Variants in DCUN1D5 observed in about 807,000 individuals in gnomAD.
DCUN1D5 encodes the protein DCN1-like protein 5.
In DCUN1D5, 10 loss-of-function variants were observed where a neutral mutation model predicts 38.3. The ratio of observed to expected loss-of-function variants is 0.26; its 90% CI spans 0.16 to 0.44. The LOEUF is 0.44. Among genes scored for constraint, DCUN1D5 ranks in the 20% least tolerant of loss-of-function variants. The pLI, the probability that DCUN1D5 is intolerant of heterozygous loss-of-function variation, is 1.00. For missense variants in DCUN1D5, 148 were observed against 275.3 expected, an observed-to-expected ratio of 0.54 and a Z score of 3.27; for synonymous variants, 93 against 90.9, an observed-to-expected ratio of 1.02 and a Z score of -0.13.
chr11:103,079,677 G>C (rs1472086735), intron 4 of DCUN1D5, among the ~76,000 whole-genome samples: 2 of 151,660 alleles, frequency 1.3e-5, no homozygotes, highest in African/African-American at 4.9e-5. Context: ...CCAATTACTT[G>C]AGAGGCTGAA....
rs568405283 is a variant in DCUN1D5, at chr11:103,053,997, G to C, written c.*8362C>G. The C allele has an allele frequency of 6.6e-6, 1 of 152,082 alleles. No individual in the cohort carries two copies. The highest frequency in any genetic ancestry group is 1.5e-5 in the Non-Finnish European group (1 of 67,960). 9.4% of individuals were successfully genotyped at this position (152,082 alleles called of 1,614,324 possible). A position where few individuals can be genotyped will look rare whatever the true frequency, so the allele number is the denominator to read the frequency against. ...ATGAAAGAACTAGCACACAGAAATA[G>C]GTACCCTAAAAGGACTAGGGGTGCA... On this transcript the variant is annotated 3_prime_UTR_variant, in exon 8 of 8. Transcript: ENST00000260247. This position sits in a 1 kb window ranked among gnomAD's most constrained non-coding sequence, Gnocchi z 4.8.
At position 103,066,863 on chromosome 11, in the gene DCUN1D5, G is replaced by GTTTA. The variant is rs1368876806; in HGVS notation, c.342-297_342-296insTAAA. ...TTCAAAAATTCCAAATAAAATCGAA[G>GTTTA]TTAAAAAGAGATGTATTAAAACATG... On this transcript the variant is annotated intron_variant, in intron 4 of 7. Coordinates refer to ENST00000260247, the MANE Select transcript of DCUN1D5 (RefSeq NM_032299.4). The surrounding 1 kb of genome is among the most constrained non-coding windows in gnomAD (Gnocchi z 4.7). Among the ~76,000 whole-genome samples, 1 of 152,106 alleles carries GTTTA rather than the reference G, an allele frequency of 6.6e-6. No homozygotes were observed. The highest frequency in any genetic ancestry group is 1.9e-4 in the East Asian group (1 of 5,204).
At position 103,053,526 on chromosome 11, in the gene DCUN1D5, A is replaced by G. The variant is rs181811670; in HGVS notation, c.*8833T>C. 3 of 152,098 alleles carry G rather than the reference A, an allele frequency of 2.0e-5. No individual in the cohort carries two copies. The highest frequency in any genetic ancestry group is 7.2e-5 in the African/African-American group (3 of 41,444). 9.4% of individuals were successfully genotyped at this position (152,098 alleles called of 1,614,324 possible). A position where few individuals can be genotyped will look rare whatever the true frequency, so the allele number is the denominator to read the frequency against. On this transcript the variant is annotated 3_prime_UTR_variant, in exon 8 of 8. Coordinates refer to ENST00000260247, the MANE Select transcript of DCUN1D5 (RefSeq NM_032299.4). This position sits in a 1 kb window ranked among gnomAD's most constrained non-coding sequence, Gnocchi z 4.8. ...AATGTTCCTAGTGTAAAGAAAACAT[A>G]AATATTTAAGGTGATGGATATCCCA...
At chr11:103,082,996 G>A (rs1240919969) in intron 3 of DCUN1D5, among the ~76,000 whole-genome samples, 157 bp from the exon 4 acceptor site, 1 of 151,984 alleles carries the variant, frequency 6.6e-6, no homozygotes, top group Non-Finnish European at 1.5e-5. Flanking sequence ...AAGAAATTGA[G>A]ATGTGCCAAT....
chr11:103,075,067 C>A (rs552059205), intron 4 of DCUN1D5, among the ~76,000 whole-genome samples: 4 of 152,242 alleles, frequency 2.6e-5, no homozygotes, highest in African/African-American at 9.6e-5. Flanking sequence ...AGATGGAGGA[C>A]GAGGAATTCT....
rs540300020 is a variant in DCUN1D5 at position 103,078,456 on chromosome 11, G to C, written c.341+4292C>G. 9.2e-5 allele frequency among the ~76,000 whole-genome samples: 14 copies of C among 152,236 alleles called. No individual in the cohort carries two copies. The highest frequency in any genetic ancestry group is 3.4e-4 in the African/African-American group (14 of 41,558). On this transcript the variant is annotated intron_variant, in intron 4 of 7. Transcript: ENST00000260247. This position sits in a 1 kb window ranked among gnomAD's most constrained non-coding sequence, Gnocchi z 4.6. ...TACATGTGCCTCTTAATGGGAACGA[G>C]GTCCATAGTTCTCATAAGACTCTCA...
intron 4 of DCUN1D5, among the ~76,000 whole-genome samples, chr11:103,070,954 A>G (rs563926277): frequency 3.3e-5 from 5 of 152,306 alleles, no homozygotes; most frequent in African/African-American, 1.2e-4. Context: ...ACTAAACAGC[A>G]AACACCTAAA....
rs1393287594 is a variant in DCUN1D5, at chr11:103,057,059, C to A, written c.*5300G>T. On this transcript the variant is annotated 3_prime_UTR_variant, in exon 8 of 8. Coordinates refer to ENST00000260247, the MANE Select transcript of DCUN1D5 (RefSeq NM_032299.4). The surrounding 1 kb of genome is among the most constrained non-coding windows in gnomAD (Gnocchi z 4.8). ...TCAAACTCAGGTTTCTCAGATAATA[C>A]TTCTATAAACTCTCTCTCAATAGGC... 2.0e-5 allele frequency among the ~76,000 whole-genome samples: 3 copies of A among 152,074 alleles called. No individual in the cohort carries two copies. Among genetic ancestry groups the A allele is most frequent in the Non-Finnish European group, 2.9e-5 (2 of 68,038 alleles).
At position 103,065,109 on chromosome 11, in the gene DCUN1D5, C is replaced by G. The variant is rs1320527707; in HGVS notation, c.556-732G>C. ...AATTTATAGGACTTACAGATTGAAT[C>G]ATGCGTAAAACTCATTCATGTAAGA... On this transcript the variant is annotated intron_variant, in intron 6 of 7. Transcript: ENST00000260247. The surrounding 1 kb of genome is among the most constrained non-coding windows in gnomAD (Gnocchi z 4.6). Among the ~76,000 whole-genome samples the G allele has an allele frequency of 6.6e-6, 1 of 151,582 alleles. No individual in the cohort carries two copies. The highest frequency in any genetic ancestry group is 1.9e-4 in the East Asian group (1 of 5,174).
At chr11:103,067,257 G>T (rs1235890640) in intron 4 of DCUN1D5, among the ~76,000 whole-genome samples, 1 of 152,122 alleles carries the variant, frequency 6.6e-6, no homozygotes, top group Admixed American at 6.6e-5. Flanking sequence ...GTCTCAGTGG[G>T]TTGATAAATT....
At position 103,061,554 on chromosome 11, in the gene DCUN1D5, G is replaced by T; in HGVS notation, c.*805C>A. Among the ~76,000 whole-genome samples, 2 of 142,840 alleles carry T rather than the reference G, an allele frequency of 1.4e-5. No individual in the cohort carries two copies. Among genetic ancestry groups the T allele is most frequent in the Non-Finnish European group, 1.5e-5 (1 of 66,468 alleles). The allele number at this position is 142,840 out of a possible 152,430, so 93.7% of individuals were successfully genotyped here. Reference sequence around the variant, plus strand: ...ATTCTATTGTCTTCTTTTCCTATGTGTATCTTAATTAAATCCATATCACAG... The same window carrying T: ...ATTCTATTGTCTTCTTTTCCTATGTTTATCTTAATTAAATCCATATCACAG... On this transcript the variant is annotated 3_prime_UTR_variant, in exon 8 of 8. Transcript: ENST00000260247.
rs1202627805 is a variant in DCUN1D5, at chr11:103,083,307, C to T, written c.198G>A (p.Gly66=). 1.3e-6 allele frequency: 2 copies of T among 1,597,786 alleles called. No individual in the cohort carries two copies. The highest frequency in any genetic ancestry group is 2.2e-5 in the South Asian group (2 of 90,454). ...CACAAAATTTTTCCATTCCTTCTGG[C>T]CCTACAACTTCATCAGGACCTTCAA... ...YEYAGPDEVV[G]PEGMEKFCED... Residue 66 remains glycine, a synonymous_variant, in exon 3 of 8, where the codon GGG becomes GGA. Coordinates refer to ENST00000260247, the MANE Select transcript of DCUN1D5 (RefSeq NM_032299.4). This position sits in a 1 kb window ranked among gnomAD's most constrained non-coding sequence, Gnocchi z 4.4.
rs1303273065 is a variant in DCUN1D5 at position 103,060,506 on chromosome 11, G to A, written c.*1853C>T. 6.6e-6 allele frequency among the ~76,000 whole-genome samples: 1 copy of A among 152,068 alleles called. No homozygotes were observed. The highest frequency in any genetic ancestry group is 1.5e-5 in the Non-Finnish European group (1 of 68,002). ...TTTTTATACAGGCAGGTTCCACAGGGATGACTGTAGGACTTAAGTATGCAC... is the reference window on the plus strand; with the variant it reads ...TTTTTATACAGGCAGGTTCCACAGGAATGACTGTAGGACTTAAGTATGCAC... On this transcript the variant is annotated 3_prime_UTR_variant, in exon 8 of 8. Transcript: ENST00000260247.
rs903629585 is a variant in DCUN1D5, at chr11:103,083,421, T to G, written c.179-95A>C. 14 of 610,602 alleles carry G rather than the reference T, an allele frequency of 2.3e-5. No homozygotes were observed. The African/African-American group carries it at 2.6e-4, about 11-fold the overall frequency. The allele number at this position is 610,602 out of a possible 1,614,324, so 37.8% of individuals were successfully genotyped here. ...GGTACCCATGAACACACCATAATAT[T>G]TTGCAAATAATTAAATTTGAATTTT... On this transcript the variant is annotated intron_variant, in intron 2 of 7. Coordinates refer to ENST00000260247, the MANE Select transcript of DCUN1D5 (RefSeq NM_032299.4). The surrounding 1 kb of genome is among the most constrained non-coding windows in gnomAD (Gnocchi z 4.4).
At position 103,062,198 on chromosome 11, in the gene DCUN1D5, A is replaced by T; in HGVS notation, c.*161T>A. The stretch of plus-strand genomic sequence containing the variant: ...AGAGGTGTGGCTCAATGCCCATCAC[A>T]TGTAACAAGAAAAACCTCCTTTAAA... On this transcript the variant is annotated 3_prime_UTR_variant, in exon 8 of 8. Transcript: ENST00000260247. This position sits in a 1 kb window ranked among gnomAD's most constrained non-coding sequence, Gnocchi z 4.6. 16 of 641,862 alleles carry T rather than the reference A, an allele frequency of 2.5e-5. No individual in the cohort carries two copies. The South Asian group carries it at 3.0e-4, about 12-fold the overall frequency. The allele number at this position is 641,862 out of a possible 1,614,324, so 39.8% of individuals were successfully genotyped here. A position where few individuals can be genotyped will look rare whatever the true frequency, so the allele number is the denominator to read the frequency against.
chr11:103,080,767 G>A (rs1862539731), intron 4 of DCUN1D5, among the ~76,000 whole-genome samples: 1 of 152,178 alleles, frequency 6.6e-6, no homozygotes, highest in Admixed American at 6.5e-5. Flanking sequence ...CCAGGACTTT[G>A]GGAGGTCGAG....
chr11:103,063,385 C>A lies in DCUN1D5; in HGVS notation c.658+890G>T, dbSNP rs1030231798. ...ATACATAAATATACACATCTACGGG[C>A]CATATACAGCCTTTGGGCTGCCAGG... On this transcript the variant is annotated intron_variant, in intron 7 of 7. Transcript: ENST00000260247. The surrounding 1 kb of genome is among the most constrained non-coding windows in gnomAD (Gnocchi z 4.6). 6.6e-6 allele frequency among the ~76,000 whole-genome samples: 1 copy of A among 152,040 alleles called. No individual in the cohort carries two copies. The highest frequency in any genetic ancestry group is 1.5e-5 in the Non-Finnish European group (1 of 67,968).
intron 4 of DCUN1D5, among the ~76,000 whole-genome samples, chr11:103,076,522 A>G (rs1469210081): frequency 6.6e-6 from 1 of 152,210 alleles, no homozygotes; most frequent in African/African-American, 2.4e-5. Flanking sequence ...TTCAAGTCAA[A>G]CAGATTGGTT....
chr11:103,074,132 G>T (rs933227488), intron 4 of DCUN1D5, among the ~76,000 whole-genome samples: 9 of 151,928 alleles, frequency 5.9e-5, no homozygotes, highest in Non-Finnish European at 1.3e-4. Flanking sequence ...CTAATAAACT[G>T]GACATCATCA....
Sources: gnomAD v4.1 joint callset for allele counts (sites outside exome capture counted in the v4.1 genomes callset) on GRCh38, gnomAD v4.1.1 for gene constraint, Gnocchi (gnomAD v3.1) non-coding constraint, MANE v1.5 for transcripts, NCBI Gene and HGNC (gene_info 2026-07-23, HGNC 2026-07-21) for gene names.